The following LINGO2 variants were observed in gnomAD, a reference collection of about 807,000 sequenced individuals.
LINGO2 encodes leucine rich repeat and Ig domain containing 2.
Under a neutral mutation model 30.6 loss-of-function variants are expected in LINGO2, and 14 were observed. The observed-to-expected ratio is 0.46, with a 90% CI of 0.30 to 0.72. The LOEUF (loss-of-function observed/expected upper bound fraction) is 0.72. Among genes scored for constraint, LINGO2 ranks in the 30% least tolerant of loss-of-function variants. The pLI is 0.07. For synonymous variants in LINGO2, 317 were observed against 288.5 expected, an observed-to-expected ratio of 1.10 and a Z score of -1.00; for missense variants, 729 against 751.7, an observed-to-expected ratio of 0.97 and a Z score of 0.35.
At chr9:28,435,970 T>C (rs1823904444) in intron 2 of LINGO2, among the ~76,000 whole-genome samples, 2 of 152,200 alleles carry the variant, frequency 1.3e-5, no homozygotes, top group South Asian at 4.1e-4. Flanking sequence ...TTGCCACTTA[T>C]TTCATTTTCA....
At chr9:28,612,059 A>G (rs1234096331) in intron 1 of LINGO2, among the ~76,000 whole-genome samples, 1 of 151,922 alleles carries the variant, frequency 6.6e-6, no homozygotes, top group East Asian at 1.9e-4. Context: ...GTGAGCCACC[A>G]CGCCTGGGCT....
chr9:28,166,967 A>G (rs1828445557), intron 4 of LINGO2, among the ~76,000 whole-genome samples: 2 of 152,136 alleles, frequency 1.3e-5, no homozygotes, highest in South Asian at 4.1e-4. Flanking sequence ...GTGCAGCCAG[A>G]ACTCAAACCT....
intron 4 of LINGO2, among the ~76,000 whole-genome samples, chr9:28,171,185 A>C (rs1828571268): frequency 6.6e-6 from 1 of 152,180 alleles, no homozygotes; most frequent in Non-Finnish European, 1.5e-5. Flanking sequence ...CTACCACAAT[A>C]AATGAAAACC....
At chr9:28,009,892 A>G (rs551820183) in intron 5 of LINGO2, among the ~76,000 whole-genome samples, 6 of 152,216 alleles carry the variant, frequency 3.9e-5, no homozygotes, top group Non-Finnish European at 8.8e-5. Context: ...AGAAGTAACA[A>G]TAAATATCTA....
chr9:28,625,552 T>C (rs770803220), intron 1 of LINGO2, among the ~76,000 whole-genome samples: 2 of 152,156 alleles, frequency 1.3e-5, no homozygotes, highest in Non-Finnish European at 2.9e-5. Flanking sequence ...GAGGCTTCTG[T>C]TTGGCCATCT....
chr9:28,613,140 G>A (rs149151170), intron 1 of LINGO2, among the ~76,000 whole-genome samples: 401 of 152,152 alleles, frequency 2.6e-3, no homozygotes, highest in African/African-American at 9.3e-3. Context: ...CCGCAGCCAC[G>A]GTGAACTGTG....
chr9:28,515,189 T>C (rs1481639827), intron 1 of LINGO2, among the ~76,000 whole-genome samples: 1 of 148,102 alleles, frequency 6.8e-6, no homozygotes, highest in Non-Finnish European at 1.5e-5. Flanking sequence ...TCAAGTCTTA[T>C]TTTTTAAGAA....
chr9:28,328,029 T>C (rs897547730), intron 3 of LINGO2, among the ~76,000 whole-genome samples: 1 of 152,148 alleles, frequency 6.6e-6, no homozygotes, highest in Admixed American at 6.5e-5. Flanking sequence ...ACCCTGTGAA[T>C]GTGTGCATCA....
intron 4 of LINGO2, among the ~76,000 whole-genome samples, chr9:28,243,821 T>G (rs2133983562): frequency 6.6e-6 from 1 of 152,246 alleles, no homozygotes; most frequent in Middle Eastern, 3.4e-3. Context: ...CCCAGATTCA[T>G]AAAACATGTT....
chr9:29,017,260 A>G, the LINGO2 span, among the ~76,000 whole-genome samples: 73,534 of 151,714 alleles, frequency 0.48, 18,026 homozygotes, highest in Non-Finnish European at 0.53. Context: ...ATCCAGAGAA[A>G]ATCCATATAA....
the LINGO2 span, among the ~76,000 whole-genome samples, chr9:29,063,204 T>C: frequency 6.6e-6 from 1 of 152,116 alleles, no homozygotes; most frequent in South Asian, 2.1e-4. Context: ...CATGAAACTA[T>C]CCTTCCCTAA....
At chr9:28,398,279 A>T (rs1587613091) in intron 2 of LINGO2, among the ~76,000 whole-genome samples, 1 of 152,192 alleles carries the variant, frequency 6.6e-6, no homozygotes, top group East Asian at 1.9e-4. Flanking sequence ...GTTGAATGAA[A>T]AGTTTGGTTT....
intron 2 of LINGO2, among the ~76,000 whole-genome samples, chr9:28,435,770 G>A (rs549811568): frequency 1.3e-5 from 2 of 152,258 alleles, no homozygotes; most frequent in Admixed American, 6.5e-5. Flanking sequence ...TATGACAAAG[G>A]ACCATGTGAG....
At chr9:28,520,729 A>G (rs1234542064) in intron 1 of LINGO2, among the ~76,000 whole-genome samples, 1 of 152,222 alleles carries the variant, frequency 6.6e-6, no homozygotes, top group Non-Finnish European at 1.5e-5. Flanking sequence ...TAATTTAATT[A>G]GACTAATCAG....
At chr9:28,416,207 T>A (rs1822961745) in intron 2 of LINGO2, among the ~76,000 whole-genome samples, 2 of 152,110 alleles carry the variant, frequency 1.3e-5, no homozygotes, top group Non-Finnish European at 2.9e-5. Context: ...GCCAGAAAAT[T>A]ATACTCTTTT....
Position 28,435,030 on chromosome 9 carries a change from C to A in LINGO2, c.-279+40910G>T, listed in dbSNP as rs188466869. Among the ~76,000 whole-genome samples, 23 of 152,208 alleles carry A rather than the reference C, an allele frequency of 1.5e-4. No homozygotes were observed. In the East Asian group the frequency reaches 3.1e-3, roughly 20 times the overall value. On this transcript the variant is annotated intron_variant, in intron 2 of 5. Coordinates refer to ENST00000379992, the Ensembl canonical transcript of LINGO2. ...TTAAAAAAAATTCCCTGTGAAAAGA[C>A]CCACTTTTTTTCTCTTTAGCAGAGT...
the LINGO2 span, among the ~76,000 whole-genome samples, chr9:28,874,927 G>C: frequency 6.6e-6 from 1 of 152,088 alleles, no homozygotes; most frequent in African/African-American, 2.4e-5. Flanking sequence ...GAGAAAGGTT[G>C]TACTGGTTGA....
At chr9:29,195,361 G>C in the LINGO2 span, among the ~76,000 whole-genome samples, 1 of 151,856 alleles carries the variant, frequency 6.6e-6, no homozygotes, top group Admixed American at 6.6e-5. Flanking sequence ...GTGTGTGTGT[G>C]TGGGTGTGTG....
chr9:28,994,015 C>A, the LINGO2 span, among the ~76,000 whole-genome samples: 1 of 150,982 alleles, frequency 6.6e-6, no homozygotes, highest in Non-Finnish European at 1.5e-5. Context: ...AAGTTCTGGC[C>A]AGGGCAATTA....
Sources: gnomAD v4.1 joint callset for allele counts (sites outside exome capture counted in the v4.1 genomes callset) on GRCh38, gnomAD v4.1.1 for gene constraint, MANE v1.5 for transcripts, NCBI Gene and HGNC (gene_info 2026-07-23, HGNC 2026-07-21) for gene names.